Variants in ZFHX3 observed in about 807,000 individuals in gnomAD.
The protein encoded by ZFHX3 is zinc finger homeobox 3.
ZFHX3 carries 42 observed loss-of-function variants against 279.1 expected under a neutral mutation model. That is an observed-to-expected ratio of 0.15 (90% CI 0.12 to 0.19). The LOEUF is 0.19. ZFHX3 is among the 10% of genes least tolerant of loss of function. The pLI, the probability that ZFHX3 is intolerant of heterozygous loss-of-function variation, is 1.00. For missense variants in ZFHX3, 4,981 were observed against 4,754.0 expected, an observed-to-expected ratio of 1.05 and a Z score of -1.40; for synonymous variants, 2,293 against 1,957.8, an observed-to-expected ratio of 1.17 and a Z score of -4.52.
In ZFHX3 at chr16:72,829,851, T is replaced by C; in HGVS notation, c.3457A>G (p.Ile1153Val). The change falls in exon 5 of 10, where the codon ATT becomes GTT. Residue 1153 changes from isoleucine to valine, a missense_variant. By Grantham distance (29) the Ile-to-Val change is conservative (BLOSUM62 3). This residue lies in a region of ZFHX3 where 1,751 missense variants were observed against 1,770.0 expected (regional missense o/e 0.99). Transcript: ENST00000268489. ...RCPSTDPEEA[I>V]EDVEGPSETA... ...TCACTGGGTCCTTCAACATCTTCAA[T>C]GGCTTCTTCTGAAACAGAAGAAAAA... The C allele has an allele frequency of 6.2e-7, 1 of 1,614,172 alleles. No individual in the cohort carries two copies. The highest frequency in any genetic ancestry group is 8.5e-7 in the Non-Finnish European group (1 of 1,180,008).
At chr16:73,536,496 A>T (rs1396942408) in intron 2 of ZFHX3, among the ~76,000 whole-genome samples, 1 of 152,240 alleles carries the variant, frequency 6.6e-6, no homozygotes, top group Non-Finnish European at 1.5e-5. Context: ...TGCAGAAAAG[A>T]AATGCAATTC....
At chr16:73,173,630 A>G (rs1026727577) in intron 5 of ZFHX3, among the ~76,000 whole-genome samples, 8 of 152,272 alleles carry the variant, frequency 5.3e-5, no homozygotes, top group Admixed American at 5.2e-4. Flanking sequence ...TAAAACCCAG[A>G]TGAAGAACTG....
chr16:73,810,186 GA>G (rs1960389790), intron 1 of ZFHX3, among the ~76,000 whole-genome samples: 1 of 152,110 alleles, frequency 6.6e-6, no homozygotes, highest in Admixed American at 6.5e-5. Context: ...TGTTAACCCT[GA>G]AAAGAAAGTT....
At chr16:73,812,408 T>C (rs933009948) in intron 1 of ZFHX3, among the ~76,000 whole-genome samples, 1 of 152,210 alleles carries the variant, frequency 6.6e-6, no homozygotes, top group Non-Finnish European at 1.5e-5. Flanking sequence ...TTTACCACAA[T>C]GCACTATAGA....
intron 1 of ZFHX3, among the ~76,000 whole-genome samples, chr16:73,756,675 C>T (rs1307357722): frequency 6.6e-6 from 1 of 152,016 alleles, no homozygotes; most frequent in Non-Finnish European, 1.5e-5. Flanking sequence ...AGCTTGGGTC[C>T]GGAAAGCCCA....
chr16:73,174,419 C>T (rs1967612863), intron 5 of ZFHX3, among the ~76,000 whole-genome samples: 1 of 152,166 alleles, frequency 6.6e-6, no homozygotes, highest in East Asian at 1.9e-4. Context: ...CTTCCAATTT[C>T]AAGGAATCTA....
chr16:73,631,137 T>G (rs1037925182), intron 2 of ZFHX3, among the ~76,000 whole-genome samples: 4 of 152,190 alleles, frequency 2.6e-5, no homozygotes, highest in Admixed American at 6.5e-5. Context: ...AAAGAGAAAC[T>G]TGAAGTACGC....
intron 2 of ZFHX3, among the ~76,000 whole-genome samples, chr16:73,465,130 G>C (rs1026497766): frequency 6.6e-6 from 1 of 152,228 alleles, no homozygotes; most frequent in Non-Finnish European, 1.5e-5. Flanking sequence ...CTCGGTACTT[G>C]AGAGAGACAC....
rs575254368 is a variant in ZFHX3 at position 73,466,994 on chromosome 16, C to A, written c.-1546-10736G>T. Reference sequence around the variant, plus strand: ...GTAACAAAGGTTGAGCGTGACAGACCTGACATGTCTGGCCAGCTGCCCTAA... The same window carrying A: ...GTAACAAAGGTTGAGCGTGACAGACATGACATGTCTGGCCAGCTGCCCTAA... On this transcript the variant is annotated intron_variant, in intron 2 of 17. Transcript: ENST00000641206. Among the ~76,000 whole-genome samples the A allele has an allele frequency of 2.6e-5, 4 of 152,248 alleles. No homozygotes were observed. The South Asian group carries it at 8.3e-4, about 32-fold the overall frequency.
At chr16:73,871,873 G>A (rs1409230358) in intron 1 of ZFHX3, among the ~76,000 whole-genome samples, 1 of 152,170 alleles carries the variant, frequency 6.6e-6, no homozygotes, top group Non-Finnish European at 1.5e-5. Flanking sequence ...CTATATAGAT[G>A]CTTATGGAAA....
At chr16:73,551,992 T>C (rs1213354623) in intron 2 of ZFHX3, among the ~76,000 whole-genome samples, 1 of 152,138 alleles carries the variant, frequency 6.6e-6, no homozygotes, top group Non-Finnish European at 1.5e-5. Context: ...AATTCTAGCA[T>C]AGATGTGTCT....
chr16:73,590,022 G>C (rs1453453899), intron 2 of ZFHX3, among the ~76,000 whole-genome samples: 1 of 152,120 alleles, frequency 6.6e-6, no homozygotes, highest in Non-Finnish European at 1.5e-5. Flanking sequence ...GGTGGTGGTA[G>C]TGTTAGTGTT....
At chr16:72,916,581 G>A (rs1329187188) in intron 3 of ZFHX3, among the ~76,000 whole-genome samples, 5 of 152,160 alleles carry the variant, frequency 3.3e-5, no homozygotes, top group Admixed American at 2.0e-4. Context: ...GACTAACGAG[G>A]ATTATTATAT....
chr16:73,780,258 G>C (rs1412170845), intron 1 of ZFHX3, among the ~76,000 whole-genome samples: 1 of 147,252 alleles, frequency 6.8e-6, no homozygotes, highest in South Asian at 2.2e-4. Flanking sequence ...AGTGATTCTT[G>C]TGCCTCAGCC....
chr16:73,719,327 C>A (rs907917924), intron 1 of ZFHX3, among the ~76,000 whole-genome samples: 2 of 152,090 alleles, frequency 1.3e-5, no homozygotes, highest in African/African-American at 2.4e-5. Flanking sequence ...TCACGCTGGC[C>A]CAGTTATTCC....
rs572408838 is a variant in ZFHX3, at chr16:73,081,862, A to C, written c.-533+11373T>G. On this transcript the variant is annotated intron_variant, in intron 8 of 17. Transcript: ENST00000641206. ...TTTTTTTTTTTTTTTTTTGAGACGG[A>C]GTCTCACTCCATCACCCAAGCTGGA... is the stretch of plus-strand genomic sequence containing the variant. 2.1e-3 allele frequency among the ~76,000 whole-genome samples: 275 copies of C among 130,246 alleles called. 1 individual carries two copies. Among genetic ancestry groups the C allele is most frequent in the Middle Eastern group, 0.02 (4 of 200 alleles). The allele number at this position is 130,246 out of a possible 152,430, so 85.4% of individuals were successfully genotyped here.
intron 3 of ZFHX3, among the ~76,000 whole-genome samples, chr16:73,355,279 A>G (rs535193081): frequency 1.4e-4 from 22 of 152,326 alleles, no homozygotes; most frequent in Non-Finnish European, 2.6e-4. Flanking sequence ...GTTTTAATGC[A>G]GATAAAGATT....
intron 1 of ZFHX3, among the ~76,000 whole-genome samples, chr16:73,842,757 G>A (rs554465092): frequency 1.3e-5 from 2 of 152,164 alleles, no homozygotes; most frequent in South Asian, 2.1e-4. Context: ...GGTAGGGGCT[G>A]CGCAACCACC....
rs1357646587 is a variant in ZFHX3, at chr16:72,794,317, T to C, written c.8365A>G (p.Ser2789Gly). The C allele has an allele frequency of 6.2e-7, 1 of 1,608,322 alleles. No homozygotes were observed. Among genetic ancestry groups the C allele is most frequent in the Admixed American group, 1.7e-5 (1 of 59,696 alleles). The change falls in exon 9 of 10, where the codon AGT (serine) becomes GGT (glycine). Residue 2789 changes from serine to glycine, a missense_variant. Physicochemically the swap from Ser to Gly is moderately conservative, Grantham distance 56. Coordinates refer to ENST00000268489, the MANE Select transcript of ZFHX3 (RefSeq NM_006885.4). The surrounding 1 kb of genome is among the most constrained non-coding windows in gnomAD (Gnocchi z 4.2). ...CTGGGTGACAATTCCATGGTTTTACTCACAGGTGAGAGGGGGACACCCTGA... is the reference window on the plus strand; with the variant it reads ...CTGGGTGACAATTCCATGGTTTTACCCACAGGTGAGAGGGGGACACCCTGA... Reference protein sequence around the residue: ...DGQGVPLSPVSKTMELSPRTL... With the variant: ...DGQGVPLSPVGKTMELSPRTL...
Sources: allele counts gnomAD v4.1 joint callset (sites outside exome capture counted in the v4.1 genomes callset), GRCh38; gene constraint gnomAD v4.1.1; regional missense constraint gnomAD v4.1.1; non-coding constraint Gnocchi (gnomAD v3.1); transcripts MANE v1.5; gene names NCBI Gene and HGNC (gene_info 2026-07-23, HGNC 2026-07-21).